Variants in UBLCP1 observed in about 807,000 individuals in gnomAD.
UBLCP1 encodes the protein ubiquitin like domain containing CTD phosphatase 1.
In UBLCP1, 28 loss-of-function variants were observed where a neutral mutation model predicts 42.4. The ratio of observed to expected loss-of-function variants is 0.66; its 90% CI spans 0.49 to 0.90. UBLCP1 has a LOEUF of 0.90. Ranked by LOEUF, UBLCP1 falls within the 40% of genes least tolerant of loss-of-function variation. The probability of loss-of-function intolerance (pLI) is 0.00; values close to 1 mark genes in which losing one functional copy is unlikely to be tolerated. For missense variants in UBLCP1, 279 were observed against 374.5 expected, an observed-to-expected ratio of 0.75 and a Z score of 2.10; for synonymous variants, 122 against 120.8, an observed-to-expected ratio of 1.01 and a Z score of -0.07.
At chr5:159,283,982 A>G (rs918705573) in intron 10 of UBLCP1, among the ~76,000 whole-genome samples, 2 of 152,134 alleles carry the variant, frequency 1.3e-5, no homozygotes, top group African/African-American at 2.4e-5. Flanking sequence ...TATGTATTAC[A>G]GTATTTGGGG....
intron 6 of UBLCP1, among the ~76,000 whole-genome samples, chr5:159,272,856 A>G (rs1019539326): frequency 2.0e-5 from 3 of 152,348 alleles, no homozygotes; most frequent in South Asian, 2.1e-4. Context: ...ATTCAGTTCA[A>G]TTAACGTTTT....
chr5:159,276,078 A>G (rs1047101999), intron 8 of UBLCP1, among the ~76,000 whole-genome samples: 1 of 152,194 alleles, frequency 6.6e-6, no homozygotes, highest in Admixed American at 6.5e-5. Context: ...TGTGATAGGC[A>G]CTGTTGGGAA....
At chr5:159,279,959 A>C (rs1753588419) in intron 9 of UBLCP1, among the ~76,000 whole-genome samples, 1 of 152,144 alleles carries the variant, frequency 6.6e-6, no homozygotes, top group East Asian at 1.9e-4. Flanking sequence ...GTTTAAAAGA[A>C]ACTTTGTTTT....
Position 159,274,591 on chromosome 5 carries a change from C to T in UBLCP1, c.554C>T (p.Thr185Ile). Residue 185 changes from threonine to isoleucine, a missense_variant, in exon 7 of 11, where the codon ACA becomes ATA. Thr to Ile is a moderately conservative substitution (Grantham distance 89, BLOSUM62 -1). Coordinates refer to ENST00000296786, the MANE Select transcript of UBLCP1 (RefSeq NM_145049.5). ...EDYDIVIWSA[T>I]NMKWIEAKMK... ...ATCATTCCTCGTGTTTTAGCTGCAA[C>T]AAATATGAAGTGGATTGAAGCTAAA... The T allele has an allele frequency of 6.2e-7, 1 of 1,610,108 alleles. No individual in the cohort carries two copies. Among genetic ancestry groups the T allele is most frequent in the Non-Finnish European group, 8.5e-7 (1 of 1,177,980 alleles).
chr5:159,274,282 G>A (rs142553011), intron 6 of UBLCP1: 76 of 237,122 alleles, frequency 3.2e-4, no homozygotes, highest in African/African-American at 1.6e-3. Flanking sequence ...GAGTGTCAGG[G>A]CTGATTTAAA....
At chr5:159,264,220 T>C (rs1753343382) in intron 1 of UBLCP1, among the ~76,000 whole-genome samples, 1 of 152,216 alleles carries the variant, frequency 6.6e-6, no homozygotes, top group South Asian at 2.1e-4. Flanking sequence ...ACAGCTATTC[T>C]TGACCCTAGG....
At chr5:159,271,461 A>T (rs962015559) in intron 5 of UBLCP1, among the ~76,000 whole-genome samples, 1 of 152,218 alleles carries the variant, frequency 6.6e-6, no homozygotes, top group South Asian at 2.1e-4. Flanking sequence ...TGTCTCAAAA[A>T]AAAAGAAAGA....
At chr5:159,283,086 T>G in intron 9 of UBLCP1, 126 bp from the exon 10 acceptor site, 1 of 950,170 alleles carries the variant, frequency 1.1e-6, no homozygotes, top group Non-Finnish European at 1.5e-6. Flanking sequence ...AATATAAAAG[T>G]AATTTTTAGT....
intron 2 of UBLCP1, among the ~76,000 whole-genome samples, 185 bp from the exon 3 acceptor site, chr5:159,269,723 G>C (rs774335298): frequency 6.6e-6 from 1 of 152,144 alleles, no homozygotes; most frequent in Non-Finnish European, 1.5e-5. Context: ...TATTAATTTT[G>C]ACTTCTTCGT....
Position 159,283,341 on chromosome 5 carries a change from T to C in UBLCP1, c.929+2T>C. 2 of 1,573,684 alleles carry C rather than the reference T, an allele frequency of 1.3e-6. No homozygotes were observed. Among genetic ancestry groups the C allele is most frequent in the Non-Finnish European group, 1.7e-6 (2 of 1,164,600 alleles). On this transcript the variant is annotated splice_donor_variant, in intron 10 of 10. Transcript: ENST00000296786. LOFTEE classifies it high-confidence loss of function. ...TCTAAATCACAAATATTGGGAAAGGTAAGTTTTAATTGCTTATTTATTTTC... is the reference window on the plus strand; with the variant it reads ...TCTAAATCACAAATATTGGGAAAGGCAAGTTTTAATTGCTTATTTATTTTC...
In UBLCP1 at chr5:159,268,998, T is replaced by G; in HGVS notation, c.83T>G (p.Leu28Arg). 6.2e-7 allele frequency: 1 copy of G among 1,611,494 alleles called. No homozygotes were observed. The highest frequency in any genetic ancestry group is 8.5e-7 in the Non-Finnish European group (1 of 1,179,048). ...TCAGAAGATGATACTGTGCTCGATC[T>G]CAAACAGTTTCTCAAGACCCTTACA... is the stretch of plus-strand genomic sequence containing the variant. The part of the protein sequence containing the change: ...TLSEDDTVLD[L>R]KQFLKTLTGV... Residue 28 changes from leucine (L) to arginine (R), a missense_variant, in exon 2 of 11, where the codon CTC (leucine) becomes CGC (arginine). Transcript: ENST00000296786.
intron 10 of UBLCP1, among the ~76,000 whole-genome samples, chr5:159,283,742 A>G (rs775461592): frequency 1.3e-5 from 2 of 152,116 alleles, no homozygotes; most frequent in Admixed American, 6.6e-5. Flanking sequence ...AATAGTATTA[A>G]AAATTACCAG....
In UBLCP1 at chr5:159,283,154, AT is replaced by A. The variant is rs1476963444; in HGVS notation, c.802-55del. ...AACTCTAATTGAAATGATAGTATAG[AT>A]TTGTTAGTTTTCCTTATCACATTGT... On this transcript the variant is annotated intron_variant, in intron 9 of 10. Coordinates refer to ENST00000296786, the MANE Select transcript of UBLCP1 (RefSeq NM_145049.5). 4.6e-6 allele frequency: 7 copies of A among 1,529,662 alleles called. No homozygotes were observed. The East Asian group carries it at 1.6e-4, about 36-fold the overall frequency. 94.8% of individuals were successfully genotyped at this position (1,529,662 alleles called of 1,614,324 possible).
At chr5:159,282,078 G>A (rs1401389933) in intron 9 of UBLCP1, among the ~76,000 whole-genome samples, 1 of 152,020 alleles carries the variant, frequency 6.6e-6, no homozygotes, top group African/African-American at 2.4e-5. Context: ...ATATCATTCA[G>A]TTTAAATTAG....
intron 1 of UBLCP1, 143 bp downstream of exon 1, chr5:159,263,503 C>T (rs1753329730): frequency 6.6e-6 from 1 of 152,504 alleles, no homozygotes; most frequent in Admixed American, 6.5e-5. Context: ...GCCCAGGCCC[C>T]TAGCCCCGGC....
chr5:159,285,912 T>C lies in UBLCP1; in HGVS notation c.*981T>C, dbSNP rs1008941539. 1 of 152,772 alleles carries C rather than the reference T, an allele frequency of 6.5e-6. No individual in the cohort carries two copies. Among genetic ancestry groups the C allele is most frequent in the African/African-American group, 2.4e-5 (1 of 41,454 alleles). 9.5% of individuals were successfully genotyped at this position (152,772 alleles called of 1,614,324 possible). A position where few individuals can be genotyped will look rare whatever the true frequency, so the allele number is the denominator to read the frequency against. The stretch of plus-strand genomic sequence containing the variant: ...TACGTAATGTGACCACTGTTTTGTG[T>C]TGACAATATTGCTTTATACAGTTCT... On this transcript the variant is annotated 3_prime_UTR_variant, in exon 11 of 11. Transcript: ENST00000296786.
intron 10 of UBLCP1, 33 bp downstream of exon 10, chr5:159,283,372 A>G: frequency 6.6e-7 from 1 of 1,508,528 alleles, no homozygotes; most frequent in Non-Finnish European, 9.0e-7. Flanking sequence ...TTTTCTCTTT[A>G]CATCAATGAA....
At chr5:159,268,542 G>A (rs907754316) in intron 1 of UBLCP1, among the ~76,000 whole-genome samples, 6 of 152,342 alleles carry the variant, frequency 3.9e-5, no homozygotes, top group African/African-American at 1.2e-4. Flanking sequence ...AATGAACATG[G>A]ATGGTCTGTC....
At chr5:159,273,333 A>G (rs980576400) in intron 6 of UBLCP1, among the ~76,000 whole-genome samples, 1 of 152,126 alleles carries the variant, frequency 6.6e-6, no homozygotes, top group Non-Finnish European at 1.5e-5. Context: ...AGTATATTTA[A>G]ATTATTTTTA....
Sources: gnomAD v4.1 joint callset for allele counts (sites outside exome capture counted in the v4.1 genomes callset) on GRCh38, gnomAD v4.1.1 for gene constraint, MANE v1.5 for transcripts, NCBI Gene and HGNC (gene_info 2026-07-23, HGNC 2026-07-21) for gene names.